The following OTUD7A variants were observed in gnomAD, a reference collection of about 807,000 sequenced individuals.
OTUD7A encodes OTU deubiquitinase 7A, also known as OTU domain-containing protein 7A.
In OTUD7A, 12 loss-of-function variants were observed where a neutral mutation model predicts 65.7. The ratio of observed to expected loss-of-function variants is 0.18; its 90% CI spans 0.12 to 0.30. OTUD7A has a LOEUF of 0.30. OTUD7A is among the 10% of genes least tolerant of loss of function. The pLI, the probability that OTUD7A is intolerant of heterozygous loss-of-function variation, is 1.00. For synonymous variants in OTUD7A, 641 were observed against 586.3 expected, an observed-to-expected ratio of 1.09 and a Z score of -1.35; for missense variants, 1,148 against 1,304.8, an observed-to-expected ratio of 0.88 and a Z score of 1.85.
intron 1 of OTUD7A, chr15:31,766,861 A>G: frequency 6.2e-7 from 1 of 1,611,306 alleles, no homozygotes; most frequent in Non-Finnish European, 8.5e-7. Flanking sequence ...AGATTGATGG[A>G]AGACACTGGA....
chr15:31,503,617 G>C (rs2041508716), intron 9 of OTUD7A, 74 bp downstream of exon 9: 1 of 1,591,442 alleles, frequency 6.3e-7, no homozygotes. Context: ...ACCTTGTGCT[G>C]TGCTATCTGC....
chr15:31,582,710 C>T (rs1595627506), intron 3 of OTUD7A, among the ~76,000 whole-genome samples: 1 of 152,112 alleles, frequency 6.6e-6, no homozygotes, highest in Admixed American at 6.6e-5. Flanking sequence ...TCCACCTGGC[C>T]CTGCCCTTGA....
chr15:31,599,369 T>C (rs1256615744), intron 3 of OTUD7A, among the ~76,000 whole-genome samples: 1 of 152,128 alleles, frequency 6.6e-6, no homozygotes, highest in African/African-American at 2.4e-5. Flanking sequence ...GCAAACAGGG[T>C]CTGGAGTGGA....
intron 5 of OTUD7A, among the ~76,000 whole-genome samples, chr15:31,546,789 A>G (rs1225749010): frequency 6.6e-6 from 1 of 152,268 alleles, no homozygotes; most frequent in Non-Finnish European, 1.5e-5. Context: ...CACCAATGAG[A>G]ATAAATAAGC....
intron 1 of OTUD7A, among the ~76,000 whole-genome samples, chr15:31,792,427 G>A (rs528787459): frequency 2.4e-4 from 37 of 151,948 alleles, no homozygotes; most frequent in Admixed American, 6.6e-5. Flanking sequence ...CAGTCCTGCC[G>A]CCCTCTCCAT....
At chr15:31,604,610 GA>G (rs1890183968) in intron 3 of OTUD7A, among the ~76,000 whole-genome samples, 1 of 152,118 alleles carries the variant, frequency 6.6e-6, no homozygotes, top group Admixed American at 6.5e-5. Flanking sequence ...AACAAAAAAA[GA>G]AAGAAAACTA....
chr15:31,816,049 G>A (rs1896540581), intron 1 of OTUD7A, among the ~76,000 whole-genome samples: 1 of 152,186 alleles, frequency 6.6e-6, no homozygotes, highest in Non-Finnish European at 1.5e-5. Flanking sequence ...AGATTCTGCT[G>A]GCCTCCAGGA....
At chr15:31,625,233 T>C (rs900559094) in intron 3 of OTUD7A, among the ~76,000 whole-genome samples, 2 of 152,160 alleles carry the variant, frequency 1.3e-5, no homozygotes, top group African/African-American at 4.8e-5. Context: ...CCAGCTAGAC[T>C]GTAGCCTCGA....
intron 1 of OTUD7A, among the ~76,000 whole-genome samples, chr15:31,869,509 T>C (rs1897968373): frequency 6.6e-6 from 1 of 152,238 alleles, no homozygotes; most frequent in Non-Finnish European, 1.5e-5. Flanking sequence ...CCACTTCCAT[T>C]TACAAAGGTA....
chr15:31,755,667 A>G (rs1894792175), intron 1 of OTUD7A, among the ~76,000 whole-genome samples: 1 of 151,888 alleles, frequency 6.6e-6, no homozygotes. Context: ...GCTTGCAGTG[A>G]GCAGAGATTG....
intron 1 of OTUD7A, among the ~76,000 whole-genome samples, chr15:31,744,866 TTA>T (rs1227776624): frequency 2.6e-5 from 4 of 152,032 alleles, no homozygotes; most frequent in Non-Finnish European, 5.9e-5. Context: ...AATTATATTT[TTA>T]TATACTAGTA....
At chr15:31,750,731 C>G (rs1894611556) in intron 1 of OTUD7A, among the ~76,000 whole-genome samples, 2 of 152,136 alleles carry the variant, frequency 1.3e-5, no homozygotes, top group South Asian at 4.2e-4. Flanking sequence ...ATCTTCCCAC[C>G]CTTTAATACT....
chr15:31,704,792 T>C (rs140657125), intron 1 of OTUD7A, among the ~76,000 whole-genome samples: 1 of 145,872 alleles, frequency 6.9e-6, no homozygotes. Context: ...AGATCTGTCC[T>C]GGAATATTCT....
intron 1 of OTUD7A, among the ~76,000 whole-genome samples, chr15:31,777,926 A>G (rs114741063): frequency 6.6e-6 from 1 of 152,112 alleles, no homozygotes; most frequent in African/African-American, 2.4e-5. Flanking sequence ...AGTGAGGGAG[A>G]GGATGAGCAC....
intron 8 of OTUD7A, among the ~76,000 whole-genome samples, chr15:31,507,955 TA>T (rs1396073399): frequency 6.6e-6 from 1 of 152,144 alleles, no homozygotes; most frequent in Non-Finnish European, 1.5e-5. Context: ...CAATAAGTGT[TA>T]GGGGTAATTG....
In OTUD7A at chr15:31,845,898, G is replaced by A. The variant is rs114421384; in HGVS notation, c.-100+24609C>T. On this transcript the variant is annotated intron_variant, in intron 1 of 12. Transcript: ENST00000307050. ...GCAGGAGGAGGTCTGGGGACTCTACGGGACACCATGCACAAGAGAGCCCAC... is the reference window on the plus strand; with the variant it reads ...GCAGGAGGAGGTCTGGGGACTCTACAGGACACCATGCACAAGAGAGCCCAC... 3.3e-3 allele frequency among the ~76,000 whole-genome samples: 506 copies of A among 152,334 alleles called. 3 individuals are homozygous for A. The highest frequency in any genetic ancestry group is 0.012 in the African/African-American group (489 of 41,584).
intron 5 of OTUD7A, among the ~76,000 whole-genome samples, chr15:31,542,824 C>CAA (rs538820671): frequency 1.5e-5 from 2 of 132,392 alleles, no homozygotes; most frequent in African/African-American, 5.3e-5. Flanking sequence ...AAGAAGAAGC[C>CAA]AAAAAAAAAA....
In OTUD7A at chr15:31,603,632, G is replaced by A. The variant is rs540957688; in HGVS notation, c.152-33435C>T. The stretch of plus-strand genomic sequence containing the variant: ...ACTAAACAGCTTCTGCACAGCAAAA[G>A]AAACTATCATTAGAGTGAACAGGCA... On this transcript the variant is annotated intron_variant, in intron 3 of 12. Transcript: ENST00000307050. 1.2e-4 allele frequency among the ~76,000 whole-genome samples: 19 copies of A among 152,264 alleles called. No individual in the cohort carries two copies. The East Asian group carries it at 2.1e-3, about 17-fold the overall frequency.
chr15:31,836,152 AAC>A (rs1897050705), intron 1 of OTUD7A, among the ~76,000 whole-genome samples: 2 of 151,820 alleles, frequency 1.3e-5, no homozygotes, highest in African/African-American at 2.4e-5. Context: ...TTTTTTCCGA[AAC>A]ACAGCACTGT....
Sources: allele counts gnomAD v4.1 joint callset (sites outside exome capture counted in the v4.1 genomes callset), GRCh38; gene constraint gnomAD v4.1.1; transcripts MANE v1.5; gene names NCBI Gene and HGNC (gene_info 2026-07-23, HGNC 2026-07-21).